The following CRIM1 variants were observed in gnomAD, a reference collection of about 807,000 sequenced individuals.
CRIM1 encodes cysteine-rich motor neuron 1 protein.
CRIM1 carries 32 observed loss-of-function variants against 116.4 expected under a neutral mutation model. The observed-to-expected ratio is 0.27, with a 90% CI of 0.21 to 0.37. CRIM1 has a LOEUF of 0.37. Ranked by LOEUF, CRIM1 falls within the 10% of genes least tolerant of loss-of-function variation. The pLI is 1.00. For missense variants in CRIM1, 1,331 were observed against 1,354.8 expected, an observed-to-expected ratio of 0.98 and a Z score of 0.28; for synonymous variants, 590 against 509.2, an observed-to-expected ratio of 1.16 and a Z score of -2.13.
intron 7 of CRIM1, among the ~76,000 whole-genome samples, chr2:36,487,559 T>A (rs199743642): frequency 4.1e-5 from 6 of 145,658 alleles, no homozygotes; most frequent in African/African-American, 5.0e-5. Context: ...AAGTCTGGTT[T>A]AAAAAAAAAA....
intron 1 of CRIM1, among the ~76,000 whole-genome samples, chr2:36,365,107 G>A (rs188102817): frequency 7.9e-5 from 12 of 152,142 alleles, no homozygotes; most frequent in African/African-American, 2.9e-4. Context: ...CCGAGAACAG[G>A]GGGCTGGGAA....
At position 36,468,151 on chromosome 2, in the gene CRIM1, T is replaced by A. The variant is rs577590377; in HGVS notation, c.991+3496T>A. The stretch of plus-strand genomic sequence containing the variant: ...GTTCAGAAGACTGTGGGTAGAATGT[T>A]AACATGACTGACCCCACATGCAGAA... On this transcript the variant is annotated intron_variant, in intron 5 of 16. Coordinates refer to ENST00000280527, the MANE Select transcript of CRIM1 (RefSeq NM_016441.3). 1.2e-4 allele frequency among the ~76,000 whole-genome samples: 18 copies of A among 152,330 alleles called. No homozygotes were observed. In the East Asian group the frequency reaches 3.5e-3, roughly 29 times the overall value.
At chr2:36,531,703 T>G in intron 13 of CRIM1, 2 of 321,464 alleles carry the variant, frequency 6.2e-6, no homozygotes, top group South Asian at 5.1e-5. Flanking sequence ...GGAATTAACA[T>G]TTCAAGGCCT....
intron 2 of CRIM1, 136 bp downstream of exon 2, chr2:36,396,923 G>A: frequency 2.8e-6 from 2 of 716,268 alleles, no homozygotes; most frequent in South Asian, 2.4e-5. Flanking sequence ...CAACTAAGAT[G>A]CATAAAGTTT....
At chr2:36,506,609 G>A (rs1681449271) in intron 8 of CRIM1, among the ~76,000 whole-genome samples, 2 of 151,742 alleles carry the variant, frequency 1.3e-5, no homozygotes, top group South Asian at 2.1e-4. Context: ...AGTTGCTATC[G>A]ACCGGCCATG....
intron 13 of CRIM1, among the ~76,000 whole-genome samples, chr2:36,526,609 A>C (rs1217819884): frequency 6.6e-6 from 1 of 152,066 alleles, no homozygotes; most frequent in African/African-American, 2.4e-5. Flanking sequence ...GGATACTCAT[A>C]TCCCCATATG....
chr2:36,493,191 T>G (rs763797738), intron 7 of CRIM1, among the ~76,000 whole-genome samples: 1 of 152,102 alleles, frequency 6.6e-6, no homozygotes, highest in Non-Finnish European at 1.5e-5. Context: ...GGAAGATTGC[T>G]TGAGGTCAGG....
chr2:36,538,742 T>G (rs191028764), intron 14 of CRIM1, among the ~76,000 whole-genome samples: 1 of 152,274 alleles, frequency 6.6e-6, no homozygotes, highest in African/African-American at 2.4e-5. Flanking sequence ...TGGGTTCTCT[T>G]TATAGTTTTC....
intron 8 of CRIM1, among the ~76,000 whole-genome samples, chr2:36,501,428 A>G (rs1215582954): frequency 6.6e-6 from 1 of 152,106 alleles, no homozygotes; most frequent in Admixed American, 6.5e-5. Context: ...AGTTTATAAA[A>G]CGCCTGTTGG....
intron 7 of CRIM1, among the ~76,000 whole-genome samples, chr2:36,482,752 G>A (rs1279090813): frequency 1.3e-5 from 2 of 152,132 alleles, no homozygotes; most frequent in South Asian, 2.1e-4. Flanking sequence ...TAGGTACATC[G>A]TCAGAGTATG....
chr2:36,453,388 A>G (rs1261040065), intron 4 of CRIM1, among the ~76,000 whole-genome samples: 1 of 152,230 alleles, frequency 6.6e-6, no homozygotes, highest in Non-Finnish European at 1.5e-5. Flanking sequence ...AGGGACTTTG[A>G]TTTCCATAGC....
At chr2:36,508,564 C>T (rs1294320935) in intron 8 of CRIM1, among the ~76,000 whole-genome samples, 1 of 152,192 alleles carries the variant, frequency 6.6e-6, no homozygotes, top group Admixed American at 6.5e-5. Flanking sequence ...TTTCACCAGT[C>T]CATGTAGAAC....
intron 13 of CRIM1, among the ~76,000 whole-genome samples, chr2:36,533,833 C>A (rs891661504): frequency 2.0e-5 from 3 of 152,076 alleles, no homozygotes. Context: ...ATTCAGAAAA[C>A]ACCACACATC....
At position 36,522,119 on chromosome 2, in the gene CRIM1, G is replaced by T. The variant is rs750320702; in HGVS notation, c.2234G>T (p.Arg745Leu). The T allele has an allele frequency of 6.2e-7, 1 of 1,614,028 alleles. No individual in the cohort carries two copies. Among genetic ancestry groups the T allele is most frequent in the East Asian group, 2.2e-5 (1 of 44,874 alleles). The stretch of plus-strand genomic sequence containing the variant: ...CAACCTTTTCGGCCTTCCTTGTCCC[G>T]CAATAACAGCGTACCTAATTACTGC... ...TDQPFRPSLS[R>L]NNSVPNYCKN... The change falls in exon 13 of 17, where the codon CGC becomes CTC. Residue 745 changes from arginine (R) to leucine (L), a missense_variant. Physicochemically the swap from Arg to Leu is moderately radical, Grantham distance 102. Transcript: ENST00000280527.
intron 2 of CRIM1, among the ~76,000 whole-genome samples, chr2:36,401,981 A>C (rs1253477694): frequency 2.0e-5 from 3 of 152,138 alleles, no homozygotes; most frequent in Non-Finnish European, 4.4e-5. Flanking sequence ...TGTAGCAAGA[A>C]ACCTTCTGCC....
At chr2:36,455,475 G>T (rs902183643) in intron 4 of CRIM1, among the ~76,000 whole-genome samples, 2 of 152,172 alleles carry the variant, frequency 1.3e-5, no homozygotes, top group African/African-American at 4.8e-5. Flanking sequence ...CTTACTCAAG[G>T]TCACATAGTT....
rs34148376 is a variant in CRIM1, at chr2:36,550,066, T to TGC, written c.*1372_*1373dup. The TGC allele has an allele frequency of 0.12, 18,325 of 149,638 alleles. 1,196 individuals are homozygous for TGC. The highest frequency in any genetic ancestry group is 0.24 in the South Asian group (1,124 of 4,728). The allele number at this position is 149,638 out of a possible 1,614,324, so 9.3% of individuals were successfully genotyped here. A position where few individuals can be genotyped will look rare whatever the true frequency, so the allele number is the denominator to read the frequency against. On this transcript the variant is annotated 3_prime_UTR_variant, in exon 17 of 17. Transcript: ENST00000280527. Reference sequence around the variant, plus strand: ...ATGTGTGTGTGTGTGTGTGTGTGTGTGCGCGCGCACGCACGCCTTGAGCAG... The same window carrying TGC: ...ATGTGTGTGTGTGTGTGTGTGTGTGTGCGCGCGCGCACGCACGCCTTGAGCAG...
At chr2:36,492,803 T>C (rs1271036439) in intron 7 of CRIM1, among the ~76,000 whole-genome samples, 1 of 152,164 alleles carries the variant, frequency 6.6e-6, no homozygotes, top group Non-Finnish European at 1.5e-5. Flanking sequence ...TTCCTACTCA[T>C]TGGATATTCA....
chr2:36,489,024 T>C (rs1191120338), intron 7 of CRIM1, among the ~76,000 whole-genome samples: 1 of 152,218 alleles, frequency 6.6e-6, no homozygotes, highest in African/African-American at 2.4e-5. Context: ...TATTCTTTTC[T>C]AGCTAAAATT....
Sources: gnomAD v4.1 joint callset for allele counts (sites outside exome capture counted in the v4.1 genomes callset) on GRCh38, gnomAD v4.1.1 for gene constraint, MANE v1.5 for transcripts, NCBI Gene and HGNC (gene_info 2026-07-23, HGNC 2026-07-21) for gene names.